Variants in CNBD1 observed in about 807,000 individuals in gnomAD.
The protein encoded by CNBD1 is cyclic nucleotide-binding domain-containing protein 1.
A neutral mutation model predicts 54.4 loss-of-function variants in CNBD1; 71 were observed. The ratio of observed to expected loss-of-function variants is 1.30; its 90% CI spans 1.08 to 1.59. CNBD1 has a LOEUF of 1.59. Among genes scored for constraint, CNBD1 ranks in the 40% most tolerant of loss-of-function variants. The pLI is 0.00. For synonymous variants in CNBD1, 182 were observed against 170.7 expected, an observed-to-expected ratio of 1.07 and a Z score of -0.51; for missense variants, 659 against 518.0, an observed-to-expected ratio of 1.27 and a Z score of -2.64.
intron 8 of CNBD1, among the ~76,000 whole-genome samples, chr8:87,345,648 G>T (rs1810157822): frequency 6.6e-6 from 1 of 152,112 alleles, no homozygotes; most frequent in Non-Finnish European, 1.5e-5. Context: ...CTTAAATGGT[G>T]TCAGAATTGT....
chr8:87,331,059 A>AT lies in CNBD1; in HGVS notation c.1043-20619dup, dbSNP rs967460138. 4.0e-5 allele frequency among the ~76,000 whole-genome samples: 6 copies of AT among 151,748 alleles called. No homozygotes were observed. The South Asian group carries it at 6.2e-4, about 16-fold the overall frequency. ...TGTTAGTTTTCTTTTTTTATTCTTT[A>AT]TTTTTTTACTTTAAGTTCGAGGATA... On this transcript the variant is annotated intron_variant, in intron 8 of 10. Transcript: ENST00000518476.
intron 7 of CNBD1, among the ~76,000 whole-genome samples, chr8:87,285,700 G>A (rs370275475): frequency 6.6e-5 from 10 of 152,132 alleles, no homozygotes; most frequent in African/African-American, 2.4e-4. Flanking sequence ...GAGAAACCCT[G>A]TCTCTACTGA....
chr8:86,963,632 G>T (rs1807993933), intron 4 of CNBD1, among the ~76,000 whole-genome samples: 1 of 152,138 alleles, frequency 6.6e-6, no homozygotes. Context: ...TGGGGACCTG[G>T]CCTACGAAGG....
At chr8:87,243,614 AT>A in intron 6 of CNBD1, among the ~76,000 whole-genome samples, 1 of 152,160 alleles carries the variant, frequency 6.6e-6, no homozygotes, top group East Asian at 1.9e-4. Flanking sequence ...ATTCATGGGC[AT>A]TTTTGAAAGT....
At chr8:87,005,625 A>C (rs1305752164) in intron 4 of CNBD1, among the ~76,000 whole-genome samples, 5 of 151,976 alleles carry the variant, frequency 3.3e-5, no homozygotes, top group African/African-American at 4.8e-5. Context: ...TAGGATTATC[A>C]TGTGAAAAAT....
intron 6 of CNBD1, among the ~76,000 whole-genome samples, chr8:87,276,444 G>T (rs1808481885): frequency 6.6e-6 from 1 of 151,848 alleles, no homozygotes; most frequent in South Asian, 2.1e-4. Context: ...GCCATGGTCT[G>T]GTTGCTTGTT....
chr8:87,316,043 A>G (rs1809377161), intron 8 of CNBD1, among the ~76,000 whole-genome samples: 1 of 152,070 alleles, frequency 6.6e-6, no homozygotes, highest in South Asian at 2.1e-4. Context: ...ATAAATTGAA[A>G]TATTCATCTC....
At chr8:87,300,977 G>T (rs1191234703) in intron 8 of CNBD1, among the ~76,000 whole-genome samples, 1 of 151,922 alleles carries the variant, frequency 6.6e-6, no homozygotes, top group Non-Finnish European at 1.5e-5. Flanking sequence ...AAAGAAGAGA[G>T]AAAATCCAAA....
chr8:87,104,206 G>C (rs1271748974), intron 4 of CNBD1, among the ~76,000 whole-genome samples: 1 of 152,222 alleles, frequency 6.6e-6, no homozygotes, highest in African/African-American at 2.4e-5. Context: ...TCATGGACTG[G>C]AGGTCCTAGC....
chr8:87,302,260 T>A (rs891501846), intron 8 of CNBD1, among the ~76,000 whole-genome samples: 2 of 152,132 alleles, frequency 1.3e-5, no homozygotes, highest in African/African-American at 4.8e-5. Flanking sequence ...GCAAACTGAA[T>A]CCAGCAGCAC....
chr8:87,160,480 ATT>A (rs376081202), intron 4 of CNBD1, among the ~76,000 whole-genome samples: 60 of 152,296 alleles, frequency 3.9e-4, no homozygotes, highest in African/African-American at 1.4e-3. Flanking sequence ...TCAGAGTAGC[ATT>A]TGACATAAAG....
chr8:87,399,732 AT>A (rs1384623815), intron 2 of CNBD1, among the ~76,000 whole-genome samples: 1 of 151,988 alleles, frequency 6.6e-6, no homozygotes, highest in African/African-American at 2.4e-5. Context: ...GCAGTGGGGC[AT>A]TATGGGATCT....
chr8:87,159,067 C>T (rs143948104), intron 4 of CNBD1, among the ~76,000 whole-genome samples: 86 of 152,132 alleles, frequency 5.7e-4, no homozygotes, highest in African/African-American at 1.8e-3. Flanking sequence ...TAATGAGCTG[C>T]CAAACATTTA....
At chr8:87,362,869 T>C (rs1389734924) in intron 10 of CNBD1, among the ~76,000 whole-genome samples, 4 of 152,064 alleles carry the variant, frequency 2.6e-5, no homozygotes, top group Non-Finnish European at 5.9e-5. Flanking sequence ...AAATTGCATA[T>C]TCTAACTTTT....
chr8:86,907,869 T>C (rs1809041984), intron 3 of CNBD1, among the ~76,000 whole-genome samples: 1 of 152,120 alleles, frequency 6.6e-6, no homozygotes, highest in African/African-American at 2.4e-5. Flanking sequence ...GGAATAAAAC[T>C]GATGAGGAAA....
At chr8:87,018,514 C>G (rs925324424) in intron 4 of CNBD1, among the ~76,000 whole-genome samples, 1 of 152,142 alleles carries the variant, frequency 6.6e-6, no homozygotes, top group Non-Finnish European at 1.5e-5. Flanking sequence ...AAAAGTACTA[C>G]ATTATAATTT....
chr8:87,300,527 C>T (rs962083063), intron 8 of CNBD1, among the ~76,000 whole-genome samples: 1 of 152,134 alleles, frequency 6.6e-6, no homozygotes, highest in Non-Finnish European at 1.5e-5. Context: ...GTTAGGGCCA[C>T]TAGCTGGTCA....
chr8:87,187,226 A>C (rs1183056950), intron 4 of CNBD1, among the ~76,000 whole-genome samples: 1 of 151,948 alleles, frequency 6.6e-6, no homozygotes, highest in Non-Finnish European at 1.5e-5. Context: ...CAAATATTAA[A>C]ACATAGCTAT....
At chr8:87,214,760 A>G (rs933187714) in intron 5 of CNBD1, among the ~76,000 whole-genome samples, 46 of 152,214 alleles carry the variant, frequency 3.0e-4, no homozygotes, top group South Asian at 2.1e-4. Context: ...AGCAGGCAAC[A>G]GAGAATGAGA....
Sources: gnomAD v4.1 joint callset for allele counts (sites outside exome capture counted in the v4.1 genomes callset) on GRCh38, gnomAD v4.1.1 for gene constraint, MANE v1.5 for transcripts, NCBI Gene and HGNC (gene_info 2026-07-23, HGNC 2026-07-21) for gene names.